The following LYPD6B variants were observed in gnomAD, a reference collection of about 807,000 sequenced individuals.
LYPD6B encodes the protein LY6/PLAUR domain containing 6B, also known as ly6/PLAUR domain-containing protein 6B.
A neutral mutation model predicts 22.8 loss-of-function variants in LYPD6B; 17 were observed. The observed-to-expected ratio is 0.75, with a 90% CI of 0.51 to 1.12. The LOEUF (loss-of-function observed/expected upper bound fraction) is 1.12. Ranked by LOEUF, LYPD6B falls within the 50% of genes most tolerant of loss-of-function variation. The pLI, the probability that LYPD6B is intolerant of heterozygous loss-of-function variation, is 0.00. For synonymous variants in LYPD6B, 106 were observed against 91.6 expected (o/e 1.16, Z -0.90); for missense variants, 221 against 258.3 (o/e 0.86, Z 0.99).
chr2:149,043,162 A>G lies in LYPD6B; in HGVS notation c.-67+4361A>G, dbSNP rs189035599. On this transcript the variant is annotated intron_variant, in intron 1 of 6. Transcript: ENST00000409642. ...TCATGCTCAGGGTTCATTATTTAAA[A>G]GAAGAGAAAATAAATTTTGATGCCT... Among the ~76,000 whole-genome samples, 355 of 152,320 alleles carry G rather than the reference A, an allele frequency of 2.3e-3. 2 individuals carry two copies. The highest frequency in any genetic ancestry group is 3.9e-3 in the Non-Finnish European group (262 of 68,018).
Position 149,205,400 on chromosome 2 carries a change from C to G in LYPD6B, c.225C>G (p.Leu75=). The G allele has an allele frequency of 6.2e-7, 1 of 1,613,646 alleles. No homozygotes were observed. Among genetic ancestry groups the G allele is most frequent in the Non-Finnish European group, 8.5e-7 (1 of 1,179,718 alleles). ...ACTTCTATAATGTGAGGCCTCCTCT[C>G]GACCGTAAGTAGTGGTGGTTGCCAT... ...NINFYNVRPP[L]DPTPFPNSFK... is the part of the protein sequence containing the mutation. Residue 75 remains leucine (L), a synonymous_variant, in exon 4 of 7, where the codon CTC becomes CTG. Transcript: ENST00000409642.
chr2:149,166,311 A>G (rs1690417784), intron 3 of LYPD6B, among the ~76,000 whole-genome samples: 1 of 152,200 alleles, frequency 6.6e-6, no homozygotes, highest in Non-Finnish European at 1.5e-5. Flanking sequence ...TATCTAAGAA[A>G]AATGACAAAT....
intron 1 of LYPD6B, among the ~76,000 whole-genome samples, chr2:149,108,246 C>T (rs999236863): frequency 7.9e-5 from 12 of 152,174 alleles, no homozygotes; most frequent in African/African-American, 2.7e-4. Context: ...GTAAGGCTCC[C>T]CCAGCCACGT....
At chr2:149,068,063 T>C (rs1025462395) in intron 1 of LYPD6B, among the ~76,000 whole-genome samples, 1 of 152,216 alleles carries the variant, frequency 6.6e-6, no homozygotes, top group African/African-American at 2.4e-5. Flanking sequence ...GGCTTCTTTA[T>C]TGAGACTGGA....
intron 2 of LYPD6B, among the ~76,000 whole-genome samples, chr2:149,150,469 T>C (rs1202972838): frequency 6.6e-6 from 1 of 152,116 alleles, no homozygotes; most frequent in Non-Finnish European, 1.5e-5. Context: ...GAACAAAGAG[T>C]GAAATTGTTT....
intron 3 of LYPD6B, among the ~76,000 whole-genome samples, chr2:149,199,756 T>G (rs1374975558): frequency 6.6e-6 from 1 of 152,170 alleles, no homozygotes; most frequent in Non-Finnish European, 1.5e-5. Flanking sequence ...CAACACTCCA[T>G]GTACCAGAAA....
intron 2 of LYPD6B, among the ~76,000 whole-genome samples, chr2:149,136,742 C>T (rs1484080897): frequency 2.0e-5 from 3 of 152,090 alleles, no homozygotes; most frequent in Non-Finnish European, 4.4e-5. Context: ...ATAATTATTT[C>T]GTGAAAAAAA....
chr2:149,094,984 C>T (rs902441348), intron 1 of LYPD6B, among the ~76,000 whole-genome samples: 5 of 151,992 alleles, frequency 3.3e-5, no homozygotes, highest in Non-Finnish European at 7.4e-5. Context: ...GCATGGAAAC[C>T]ATAGTTAATA....
chr2:149,208,525 T>A (rs1693646422), intron 5 of LYPD6B, 113 bp downstream of exon 5: 2 of 817,054 alleles, frequency 2.4e-6, no homozygotes, highest in Non-Finnish European at 4.0e-6. Context: ...TATCCGGACA[T>A]CAGACTATAT....
At chr2:149,077,742 G>A (rs753535007) in intron 1 of LYPD6B, 3 of 152,194 alleles carry the variant, frequency 2.0e-5, no homozygotes, top group Non-Finnish European at 2.9e-5. Flanking sequence ...TTAGCACAGT[G>A]AGCCAGCTCT....
In LYPD6B at chr2:149,103,248, C is replaced by A. The variant is rs993298653; in HGVS notation, c.-66-27635C>A. The stretch of plus-strand genomic sequence containing the variant: ...AGCGTTGCATGGTATCTAGTGGCAA[C>A]GTTAACTTATGTTTACATGAAGAAG... On this transcript the variant is annotated intron_variant, in intron 1 of 6. Transcript: ENST00000409642. Among the ~76,000 whole-genome samples the A allele has an allele frequency of 2.6e-5, 4 of 152,074 alleles. No individual in the cohort carries two copies. In the South Asian group the frequency reaches 8.3e-4, roughly 32 times the overall value.
intron 3 of LYPD6B, among the ~76,000 whole-genome samples, chr2:149,162,945 A>T (rs1399402529): frequency 6.6e-6 from 1 of 151,890 alleles, no homozygotes; most frequent in Non-Finnish European, 1.5e-5. Flanking sequence ...TGCTCACCAT[A>T]TGTGATAGCT....
chr2:149,094,896 A>C (rs924191307), intron 1 of LYPD6B, among the ~76,000 whole-genome samples: 2 of 152,112 alleles, frequency 1.3e-5, no homozygotes, highest in African/African-American at 4.8e-5. Context: ...CAAAACAATA[A>C]GAAATTATTG....
intron 2 of LYPD6B, among the ~76,000 whole-genome samples, chr2:149,159,312 A>G (rs1430438847): frequency 2.6e-5 from 4 of 152,052 alleles, no homozygotes; most frequent in Admixed American, 2.6e-4. Context: ...ATGGTATTTT[A>G]TATTTTGTTC....
intron 1 of LYPD6B, among the ~76,000 whole-genome samples, chr2:149,111,888 T>C (rs1430057671): frequency 6.6e-6 from 1 of 152,052 alleles, no homozygotes; most frequent in African/African-American, 2.4e-5. Flanking sequence ...TCCAAGACAG[T>C]GATATCCTAG....
intron 1 of LYPD6B, among the ~76,000 whole-genome samples, chr2:149,123,140 T>G (rs926221314): frequency 1.3e-5 from 2 of 152,050 alleles, no homozygotes; most frequent in African/African-American, 4.8e-5. Context: ...GGAACAGGAG[T>G]AAATGCTTGC....
intron 2 of LYPD6B, among the ~76,000 whole-genome samples, chr2:149,154,370 C>T (rs963313000): frequency 6.6e-6 from 1 of 152,112 alleles, no homozygotes; most frequent in East Asian, 1.9e-4. Flanking sequence ...GGAGAGAGGG[C>T]TGGAACACAC....
intron 1 of LYPD6B, among the ~76,000 whole-genome samples, chr2:149,085,170 G>T (rs1034797682): frequency 6.6e-6 from 1 of 152,202 alleles, no homozygotes; most frequent in Non-Finnish European, 1.5e-5. Context: ...CCACCGTGAG[G>T]TTGTCCATTG....
intron 1 of LYPD6B, among the ~76,000 whole-genome samples, chr2:149,076,575 A>G (rs1684885286): frequency 6.6e-6 from 1 of 152,192 alleles, no homozygotes. Flanking sequence ...AAATGGTAGT[A>G]CTATGTCCAT....
Sources: gnomAD v4.1 joint callset for allele counts (sites outside exome capture counted in the v4.1 genomes callset) on GRCh38, gnomAD v4.1.1 for gene constraint, MANE v1.5 for transcripts, NCBI Gene and HGNC (gene_info 2026-07-23, HGNC 2026-07-21) for gene names.